The following C12orf42 variants were observed in gnomAD, a reference collection of about 807,000 sequenced individuals.
The protein encoded by C12orf42 is uncharacterized protein C12orf42.
C12orf42 carries 25 observed loss-of-function variants against 21.6 expected under a neutral mutation model. That is an observed-to-expected ratio of 1.16 (90% confidence interval 0.84 to 1.62). The LOEUF (loss-of-function observed/expected upper bound fraction) is 1.62. Among genes scored for constraint, C12orf42 ranks in the 40% most tolerant of loss-of-function variants. C12orf42 has a pLI of 0.00. For missense variants in C12orf42, 483 were observed against 459.3 expected (o/e 1.05, Z -0.47); for synonymous variants, 174 against 175.0 (o/e 0.99, Z 0.05).
chr12:103,407,864 A>G (rs1201144923), intron 2 of C12orf42, among the ~76,000 whole-genome samples: 11 of 152,204 alleles, frequency 7.2e-5, no homozygotes, highest in African/African-American at 2.7e-4. Flanking sequence ...TCTTGATCAC[A>G]TGCTTTTCAA....
intron 4 of C12orf42, among the ~76,000 whole-genome samples, chr12:103,336,623 T>C (rs1210456289): frequency 6.6e-6 from 1 of 152,248 alleles, no homozygotes. Context: ...AAGCATCAAA[T>C]ATATGTAATC....
At chr12:103,161,839 C>A in the C12orf42 span, among the ~76,000 whole-genome samples, 1 of 152,158 alleles carries the variant, frequency 6.6e-6, no homozygotes, top group Non-Finnish European at 1.5e-5. Flanking sequence ...TTGTGAAGAA[C>A]TTTATGTACT....
the C12orf42 span, among the ~76,000 whole-genome samples, chr12:103,085,351 G>T: frequency 1.3e-5 from 2 of 151,982 alleles, no homozygotes; most frequent in African/African-American, 4.8e-5. Flanking sequence ...TGCTTTTAAG[G>T]GTAGTAGCTG....
At chr12:103,541,059 A>G in the C12orf42 span, among the ~76,000 whole-genome samples, 1 of 152,162 alleles carries the variant, frequency 6.6e-6, no homozygotes, top group African/African-American at 2.4e-5. Context: ...GCATGCCACT[A>G]TGCCTGGCTA....
the C12orf42 span, among the ~76,000 whole-genome samples, chr12:103,516,301 A>C: frequency 6.6e-6 from 1 of 152,212 alleles, no homozygotes; most frequent in Non-Finnish European, 1.5e-5. Context: ...TTTTCCCAAA[A>C]GGAGATTAAA....
intron 4 of C12orf42, among the ~76,000 whole-genome samples, chr12:103,281,636 G>A (rs375127790): frequency 6.6e-6 from 1 of 152,030 alleles, no homozygotes. Context: ...GATTAGAGGC[G>A]TGAGCCACCG....
chr12:103,066,675 C>T, the C12orf42 span, among the ~76,000 whole-genome samples: 2 of 152,168 alleles, frequency 1.3e-5, no homozygotes, highest in African/African-American at 4.8e-5. Context: ...TGTACTGATT[C>T]GTGGGCTGTA....
chr12:103,310,568 G>A (rs896639636), intron 4 of C12orf42, among the ~76,000 whole-genome samples: 1 of 152,102 alleles, frequency 6.6e-6, no homozygotes, highest in African/African-American at 2.4e-5. Context: ...TTGTGTCTTT[G>A]GCCTATGCCA....
chr12:103,324,987 G>A (rs972275725), intron 4 of C12orf42, among the ~76,000 whole-genome samples: 2 of 152,160 alleles, frequency 1.3e-5, no homozygotes, highest in Non-Finnish European at 2.9e-5. Context: ...TTGGTTAACC[G>A]AAAATTAACA....
chr12:103,207,269 G>A, the C12orf42 span, among the ~76,000 whole-genome samples: 1 of 152,272 alleles, frequency 6.6e-6, no homozygotes, highest in Non-Finnish European at 1.5e-5. Flanking sequence ...AAAATTTAGG[G>A]TTCTTTGTTA....
chr12:103,379,057 G>A (rs1479965729), intron 3 of C12orf42, among the ~76,000 whole-genome samples: 1 of 151,856 alleles, frequency 6.6e-6, no homozygotes, highest in Non-Finnish European at 1.5e-5. Context: ...AGAAGAAGGA[G>A]ATACGTAGAT....
At chr12:103,228,855 T>A in the C12orf42 span, among the ~76,000 whole-genome samples, 2 of 151,346 alleles carry the variant, frequency 1.3e-5, no homozygotes, top group African/African-American at 4.9e-5. Flanking sequence ...ATAAGAAGCA[T>A]TCTAGATCAA....
the C12orf42 span, among the ~76,000 whole-genome samples, chr12:103,078,313 A>T: frequency 6.6e-6 from 1 of 152,200 alleles, no homozygotes; most frequent in Non-Finnish European, 1.5e-5. Flanking sequence ...GTCACCCAGC[A>T]AGTGGGATTC....
intron 1 of C12orf42, among the ~76,000 whole-genome samples, chr12:103,492,102 G>A (rs954858706): frequency 1.1e-4 from 17 of 152,104 alleles, no homozygotes; most frequent in African/African-American, 3.4e-4. Context: ...GATTACAGGC[G>A]TGCGCAACTA....
chr12:103,140,816 A>G, the C12orf42 span, among the ~76,000 whole-genome samples: 2 of 152,106 alleles, frequency 1.3e-5, no homozygotes, highest in African/African-American at 2.4e-5. Flanking sequence ...AGAGGCCCCA[A>G]ATGTGATTGG....
the C12orf42 span, among the ~76,000 whole-genome samples, chr12:103,222,621 T>C: frequency 6.6e-6 from 1 of 152,132 alleles, no homozygotes; most frequent in Non-Finnish European, 1.5e-5. Context: ...GCCTTGCAGG[T>C]GAGACTATAG....
At chr12:103,421,233 G>A (rs2049874337) in intron 2 of C12orf42, among the ~76,000 whole-genome samples, 1 of 152,104 alleles carries the variant, frequency 6.6e-6, no homozygotes, top group Non-Finnish European at 1.5e-5. Flanking sequence ...TAGAAGAGAG[G>A]AAAGGAGGCA....
the C12orf42 span, among the ~76,000 whole-genome samples, chr12:103,561,710 C>A: frequency 6.6e-5 from 10 of 152,126 alleles, no homozygotes; most frequent in African/African-American, 2.4e-4. Context: ...AAGAACTGCA[C>A]CCTTACCCTT....
intron 2 of C12orf42, among the ~76,000 whole-genome samples, chr12:103,469,022 T>A (rs925739598): frequency 3.3e-5 from 5 of 152,230 alleles, no homozygotes; most frequent in African/African-American, 1.2e-4. Flanking sequence ...CCTGTAGGAC[T>A]GCATAACCAC....
Sources: allele counts gnomAD v4.1 joint callset (sites outside exome capture counted in the v4.1 genomes callset), GRCh38; gene constraint gnomAD v4.1.1; transcripts MANE v1.5; gene names NCBI Gene and HGNC (gene_info 2026-07-23, HGNC 2026-07-21).